Variants in DHX40 observed in about 807,000 individuals in gnomAD.
The protein encoded by DHX40 is probable ATP-dependent RNA helicase DHX40.
A neutral mutation model predicts 89.6 loss-of-function variants in DHX40; 28 were observed. That is an observed-to-expected ratio of 0.31 (90% confidence interval 0.23 to 0.43). The LOEUF (loss-of-function observed/expected upper bound fraction) is 0.43. Among genes scored for constraint, DHX40 ranks in the 20% least tolerant of loss-of-function variants. The pLI is 1.00. For synonymous variants in DHX40, 226 were observed against 283.6 expected, an observed-to-expected ratio of 0.80 and a Z score of 2.04; for missense variants, 457 against 844.0, an observed-to-expected ratio of 0.54 and a Z score of 5.68.
intron 2 of DHX40, among the ~76,000 whole-genome samples, chr17:59,568,528 T>TATAC (rs992683664): frequency 6.6e-6 from 1 of 152,118 alleles, no homozygotes; most frequent in Non-Finnish European, 1.5e-5. Context: ...TGTGTTTTCC[T>TATAC]ATACATACAT....
At chr17:59,576,064 A>G (rs1304042177) in intron 7 of DHX40, among the ~76,000 whole-genome samples, 2 of 111,760 alleles carry the variant, frequency 1.8e-5, no homozygotes, top group Non-Finnish European at 3.9e-5. Context: ...TAAGTTTTGT[A>G]TTTTTTTTTT....
At chr17:59,566,476 A>G (rs1454974739) in intron 1 of DHX40, 151 bp from the exon 2 acceptor site, 8 of 737,788 alleles carry the variant, frequency 1.1e-5, no homozygotes, top group African/African-American at 1.9e-5. Context: ...GCGCTCATTA[A>G]CGCTCACTTA....
intron 15 of DHX40, chr17:59,604,866 A>G: frequency 5.2e-6 from 2 of 385,230 alleles, no homozygotes; most frequent in Non-Finnish European, 9.4e-6. Context: ...ATTATTGTTA[A>G]TATTTGTACT....
chr17:59,586,021 T>A, intron 10 of DHX40, 132 bp from the exon 11 acceptor site: 2 of 624,018 alleles, frequency 3.2e-6, no homozygotes, highest in East Asian at 3.3e-5. Flanking sequence ...GATCATATAA[T>A]TTTTTTTTAG....
chr17:59,576,579 A>G (rs1040425491), intron 7 of DHX40, among the ~76,000 whole-genome samples: 1 of 152,148 alleles, frequency 6.6e-6, no homozygotes, highest in Non-Finnish European at 1.5e-5. Flanking sequence ...TTTTATGATG[A>G]TATTAGCTTC....
At chr17:59,577,129 A>G (rs1172564055) in intron 7 of DHX40, 137 bp from the exon 8 acceptor site, 2 of 712,876 alleles carry the variant, frequency 2.8e-6, no homozygotes, top group Non-Finnish European at 5.0e-6. Flanking sequence ...TCAGCCTCCC[A>G]AAGTGCTGGG....
At chr17:59,566,147 GGAGCCAGTTTCCAT>G (rs1249648860) in intron 1 of DHX40, among the ~76,000 whole-genome samples, 1 of 152,082 alleles carries the variant, frequency 6.6e-6, no homozygotes, top group Non-Finnish European at 1.5e-5. Context: ...CCAGTTTCCA[GGAGCCAGTTTCCAT>G]GGTTACCCAC....
chr17:59,606,201 C>T (rs897524490), intron 17 of DHX40, among the ~76,000 whole-genome samples: 6 of 151,910 alleles, frequency 3.9e-5, no homozygotes, highest in African/African-American at 9.6e-5. Context: ...TGCACCACCA[C>T]GCCTGGCTAA....
intron 17 of DHX40, 30 bp downstream of exon 17, chr17:59,605,704 C>T (rs2030802047): frequency 6.3e-7 from 1 of 1,578,274 alleles, no homozygotes; most frequent in Non-Finnish European, 8.6e-7. Context: ...TACTCTTAAC[C>T]ACTATGCCAT....
chr17:59,600,097 T>G (rs972954432), intron 14 of DHX40, among the ~76,000 whole-genome samples: 4 of 152,176 alleles, frequency 2.6e-5, no homozygotes, highest in Non-Finnish European at 5.9e-5. Flanking sequence ...GTGCTGGAAT[T>G]ACAGGCATGA....
At chr17:59,566,038 G>C (rs1040844270) in intron 1 of DHX40, among the ~76,000 whole-genome samples, 2 of 152,172 alleles carry the variant, frequency 1.3e-5, no homozygotes, top group Admixed American at 1.3e-4. Context: ...AATGCATTCT[G>C]TTCTTAAACA....
chr17:59,587,696 G>T (rs561833839), intron 11 of DHX40, among the ~76,000 whole-genome samples, 200 bp from the exon 12 acceptor site: 8,679 of 151,824 alleles, frequency 0.057, 723 homozygotes, highest in African/African-American at 0.18. Flanking sequence ...GACCTCAGGT[G>T]ATCCACCTGC....
chr17:59,596,669 T>C (rs1039347815), intron 12 of DHX40, among the ~76,000 whole-genome samples: 14 of 152,250 alleles, frequency 9.2e-5, no homozygotes, highest in Non-Finnish European at 1.3e-4. Flanking sequence ...TGTATGTTTG[T>C]ATGGTCTGAG....
chr17:59,595,007 C>T (rs2143323173), intron 12 of DHX40, among the ~76,000 whole-genome samples: 1 of 152,276 alleles, frequency 6.6e-6, no homozygotes, highest in African/African-American at 2.4e-5. Flanking sequence ...CTCCTCACAT[C>T]ACCATTCCCA....
At chr17:59,577,208 A>T in intron 7 of DHX40, 58 bp from the exon 8 acceptor site, 1 of 1,434,716 alleles carries the variant, frequency 7.0e-7, no homozygotes, top group Non-Finnish European at 9.8e-7. Context: ...GTTCTTCAAA[A>T]CTCGAGTTTG....
At chr17:59,595,827 CGA>C (rs1248623308) in intron 12 of DHX40, among the ~76,000 whole-genome samples, 2 of 137,746 alleles carry the variant, frequency 1.5e-5, no homozygotes, top group African/African-American at 5.4e-5. Context: ...CTGCACAGCT[CGA>C]GAGTCTTCAC....
chr17:59,600,430 A>G (rs1210371585), intron 14 of DHX40, among the ~76,000 whole-genome samples: 1 of 151,216 alleles, frequency 6.6e-6, no homozygotes, highest in African/African-American at 2.4e-5. Flanking sequence ...TGCATTTCCT[A>G]GCATTTTACA....
chr17:59,586,020 A>ATT, intron 10 of DHX40, 133 bp from the exon 11 acceptor site: 2 of 685,934 alleles, frequency 2.9e-6, no homozygotes, highest in African/African-American at 3.7e-5. Flanking sequence ...TGATCATATA[A>ATT]TTTTTTTTTA....
Position 59,565,628 on chromosome 17 carries a change from C to T in DHX40, c.-44C>T. ...CGTCCTCGTCTTTCCCCTCCCATCT[C>T]CTCAGATCGGTGGACGTGCTCGCCT... On this transcript the variant is annotated 5_prime_UTR_variant, in exon 1 of 18. Transcript: ENST00000251241. 1 of 1,561,438 alleles carries T rather than the reference C, an allele frequency of 6.4e-7. No homozygotes were observed. The highest frequency in any genetic ancestry group is 8.7e-7 in the Non-Finnish European group (1 of 1,151,756).
Sources: gnomAD v4.1 joint callset for allele counts (sites outside exome capture counted in the v4.1 genomes callset) on GRCh38, gnomAD v4.1.1 for gene constraint, MANE v1.5 for transcripts, NCBI Gene and HGNC (gene_info 2026-07-23, HGNC 2026-07-21) for gene names.